The following GABRA2 variants were observed in gnomAD, a reference collection of about 807,000 sequenced individuals.
GABRA2 encodes gamma-aminobutyric acid type A receptor subunit alpha2, also known as gamma-aminobutyric acid receptor subunit alpha-2.
GABRA2 carries 16 observed loss-of-function variants against 48.7 expected under a neutral mutation model. That is an observed-to-expected ratio of 0.33 (90% CI 0.22 to 0.50). The LOEUF (loss-of-function observed/expected upper bound fraction) is 0.50, where lower values mean the gene tolerates loss of function less well. GABRA2 is among the 20% of genes least tolerant of loss of function. GABRA2 has a pLI of 0.98. For synonymous variants in GABRA2, 185 were observed against 184.5 expected, an observed-to-expected ratio of 1.00 and a Z score of -0.02; for missense variants, 275 against 535.6, an observed-to-expected ratio of 0.51 and a Z score of 4.80.
chr4:46,252,510 T>C (rs910095426), intron 9 of GABRA2, among the ~76,000 whole-genome samples: 1 of 151,404 alleles, frequency 6.6e-6, no homozygotes, highest in African/African-American at 2.4e-5. Context: ...TAAAAAAGTT[T>C]TCTGACTTGA....
At chr4:46,312,758 G>A in intron 4 of GABRA2, 42 bp from the exon 5 acceptor site, 1 of 995,666 alleles carries the variant, frequency 1.0e-6, no homozygotes, top group Admixed American at 2.8e-5. Flanking sequence ...AGTAAATGTT[G>A]TAGACACAAG....
At chr4:46,353,762 A>T (rs1735533818) in intron 3 of GABRA2, among the ~76,000 whole-genome samples, 1 of 152,148 alleles carries the variant, frequency 6.6e-6, no homozygotes, top group African/African-American at 2.4e-5. Context: ...TAAACTGAAA[A>T]AAAGTTGTTC....
At chr4:46,282,564 C>A (rs1174369200) in intron 8 of GABRA2, among the ~76,000 whole-genome samples, 2 of 152,130 alleles carry the variant, frequency 1.3e-5, no homozygotes, top group African/African-American at 4.8e-5. Context: ...TTCTGAAATT[C>A]CCTTCAAACA....
intron 8 of GABRA2, among the ~76,000 whole-genome samples, chr4:46,280,798 C>T (rs965457221): frequency 2.6e-5 from 4 of 152,104 alleles, no homozygotes; most frequent in Admixed American, 2.6e-4. Context: ...AAGAATCTGT[C>T]ATAATGGTGG....
intron 4 of GABRA2, among the ~76,000 whole-genome samples, chr4:46,318,314 T>C (rs949021807): frequency 3.3e-5 from 5 of 151,174 alleles, no homozygotes; most frequent in African/African-American, 4.8e-5. Context: ...TTTTTATATA[T>C]TAGTGTAAAA....
Position 46,291,400 on chromosome 4 carries a change from T to A in GABRA2, c.856+12060A>T, listed in dbSNP as rs554428498. ...TTATTGTGATGGTTGTTACTGAGTGTCAACTTGACTGGATTGAAGGATGCA... is the reference window on the plus strand; with the variant it reads ...TTATTGTGATGGTTGTTACTGAGTGACAACTTGACTGGATTGAAGGATGCA... On this transcript the variant is annotated intron_variant, in intron 8 of 9. Coordinates refer to ENST00000381620, the MANE Select transcript of GABRA2 (RefSeq NM_000807.4). Among the ~76,000 whole-genome samples the A allele has an allele frequency of 3.3e-5, 5 of 152,260 alleles. No individual in the cohort carries two copies. The East Asian group carries it at 9.7e-4, about 29-fold the overall frequency.
chr4:46,321,530 T>C (rs1282167224), intron 4 of GABRA2, among the ~76,000 whole-genome samples: 1 of 151,966 alleles, frequency 6.6e-6, no homozygotes, highest in Non-Finnish European at 1.5e-5. Context: ...AATCAAATAA[T>C]CATAATGATA....
chr4:46,265,475 T>C (rs1371583852), intron 8 of GABRA2, among the ~76,000 whole-genome samples: 1 of 99,432 alleles, frequency 1.0e-5, no homozygotes, highest in Non-Finnish European at 1.9e-5. Flanking sequence ...ATATAATATA[T>C]TGTGTATATA....
intron 8 of GABRA2, among the ~76,000 whole-genome samples, chr4:46,276,867 G>T (rs574667071): frequency 2.0e-5 from 3 of 151,722 alleles, no homozygotes; most frequent in Non-Finnish European, 4.4e-5. Flanking sequence ...GAATATAAAG[G>T]GTATTAAATA....
chr4:46,384,808 A>G (rs1350462753), intron 3 of GABRA2, among the ~76,000 whole-genome samples: 1 of 152,156 alleles, frequency 6.6e-6, no homozygotes, highest in Non-Finnish European at 1.5e-5. Context: ...CTTGTTAGGC[A>G]TATTAATTAC....
Position 46,249,193 on chromosome 4 carries a change from A to G in GABRA2, c.*1115T>C, listed in dbSNP as rs893471917. 5 of 151,494 alleles carry G rather than the reference A, an allele frequency of 3.3e-5. No homozygotes were observed. In the East Asian group the frequency reaches 7.8e-4, roughly 24 times the overall value. The allele number at this position is 151,494 out of a possible 1,614,324, so 9.4% of individuals were successfully genotyped here. ...GTAAATTTGAGTCAGCGAAATTTAAAGTTGCAATTTACAAAAGCAGATTTA... is the reference window on the plus strand; with the variant it reads ...GTAAATTTGAGTCAGCGAAATTTAAGGTTGCAATTTACAAAAGCAGATTTA... On this transcript the variant is annotated 3_prime_UTR_variant, in exon 10 of 10. Transcript: ENST00000381620.
chr4:46,250,410 G>T lies in GABRA2; in HGVS notation c.1254C>A (p.Asp418Glu). The stretch of plus-strand genomic sequence containing the variant: ...CTGGAAAAACTATTCTGGACATTCT[G>T]TCAATTTTGCTAACACTGTTGAAAG... ...KKTFNSVSKI[D>E]RMSRIVFPVL... The change falls in exon 10 of 10, where the codon GAC (aspartate) becomes GAA (glutamate). Residue 418 changes from aspartate to glutamate, a missense_variant. Around this residue, in one of 4 missense-constraint regions of GABRA2, gnomAD observed 99 missense variants for 124.3 expected, o/e 0.80. Coordinates refer to ENST00000381620, the MANE Select transcript of GABRA2 (RefSeq NM_000807.4). 1 of 1,611,722 alleles carries T rather than the reference G, an allele frequency of 6.2e-7. No individual in the cohort carries two copies. The highest frequency in any genetic ancestry group is 1.7e-5 in the Admixed American group (1 of 59,760).
At chr4:46,290,185 C>A (rs1429468911) in intron 8 of GABRA2, among the ~76,000 whole-genome samples, 1 of 151,520 alleles carries the variant, frequency 6.6e-6, no homozygotes, top group African/African-American at 2.4e-5. Context: ...ATTGCAGACG[C>A]CAGCCACCGC....
intron 8 of GABRA2, among the ~76,000 whole-genome samples, chr4:46,269,326 A>G (rs1718847752): frequency 6.6e-6 from 1 of 151,830 alleles, no homozygotes; most frequent in African/African-American, 2.4e-5. Context: ...TTATGTGTCA[A>G]TAGAGAATAA....
intron 9 of GABRA2, among the ~76,000 whole-genome samples, chr4:46,251,184 T>G (rs1454895826): frequency 6.6e-6 from 1 of 151,454 alleles, no homozygotes; most frequent in Non-Finnish European, 1.5e-5. Flanking sequence ...CCGTTTCACT[T>G]TATAATCTCT....
chr4:46,344,859 A>T (rs1422577723), intron 3 of GABRA2, among the ~76,000 whole-genome samples: 1 of 151,992 alleles, frequency 6.6e-6, no homozygotes, highest in Non-Finnish European at 1.5e-5. Context: ...ATATGTATAC[A>T]TTCTTATTAT....
chr4:46,299,489 T>C (rs191746476), intron 8 of GABRA2, among the ~76,000 whole-genome samples: 11 of 151,972 alleles, frequency 7.2e-5, no homozygotes, highest in African/African-American at 2.6e-4. Context: ...TTGAATCATG[T>C]TTATAGTTAG....
At chr4:46,265,497 T>TAATATATATATA (rs1378151276) in intron 8 of GABRA2, among the ~76,000 whole-genome samples, 1 of 143,684 alleles carries the variant, frequency 7.0e-6, no homozygotes, top group African/African-American at 2.7e-5. Flanking sequence ...TATATATATA[T>TAATATATATATA]ATATATGTTT....
intron 3 of GABRA2, among the ~76,000 whole-genome samples, chr4:46,339,699 T>C (rs1373895685): frequency 3.9e-5 from 6 of 151,912 alleles, no homozygotes; most frequent in Non-Finnish European, 7.4e-5. Context: ...GTAATCACTT[T>C]ATTTTACTCC....
Sources: allele counts gnomAD v4.1 joint callset (sites outside exome capture counted in the v4.1 genomes callset), GRCh38; gene constraint gnomAD v4.1.1; regional missense constraint gnomAD v4.1.1; transcripts MANE v1.5; gene names NCBI Gene and HGNC (gene_info 2026-07-23, HGNC 2026-07-21).